The following ADCY8 variants were observed in gnomAD, a reference collection of about 807,000 sequenced individuals.
ADCY8 encodes adenylate cyclase 8, also known as adenylate cyclase type 8.
In ADCY8, 51 loss-of-function variants were observed where a neutral mutation model predicts 119.7. That is an observed-to-expected ratio of 0.43 (90% CI 0.34 to 0.54). ADCY8 has a LOEUF of 0.54. ADCY8 is among the 20% of genes least tolerant of loss of function. The pLI is 0.03. For synonymous variants in ADCY8, 665 were observed against 651.0 expected (o/e 1.02, Z -0.33); for missense variants, 1,383 against 1,598.8 (o/e 0.87, Z 2.30).
intron 6 of ADCY8, among the ~76,000 whole-genome samples, chr8:130,908,217 C>T (rs1819854355): frequency 2.0e-5 from 3 of 152,156 alleles, no homozygotes; most frequent in African/African-American, 7.2e-5. Context: ...CCCAAAGCAT[C>T]CTCTAAGGTT....
At chr8:130,963,113 CTTTTTTTT>C (rs764620332) in intron 2 of ADCY8, among the ~76,000 whole-genome samples, 1 of 130,366 alleles carries the variant, frequency 7.7e-6, no homozygotes, top group African/African-American at 2.8e-5. Context: ...GTTTTTCTTT[CTTTTTTTT>C]TTTTTTTTTC....
intron 5 of ADCY8, among the ~76,000 whole-genome samples, chr8:130,921,135 C>T (rs1820288705): frequency 6.6e-6 from 1 of 152,118 alleles, no homozygotes; most frequent in African/African-American, 2.4e-5. Context: ...ATTAGTTATA[C>T]ATGATTATTC....
chr8:131,034,251 C>T (rs1026178165), intron 1 of ADCY8, among the ~76,000 whole-genome samples: 1 of 152,026 alleles, frequency 6.6e-6, no homozygotes, highest in Non-Finnish European at 1.5e-5. Context: ...TAGACTTAGA[C>T]AAAGAACATA....
chr8:131,003,216 A>T (rs960725672), intron 1 of ADCY8, among the ~76,000 whole-genome samples: 1 of 151,778 alleles, frequency 6.6e-6, no homozygotes, highest in South Asian at 2.1e-4. Flanking sequence ...TCACACACAC[A>T]CACACACACA....
At chr8:131,027,824 T>C (rs563966394) in intron 1 of ADCY8, among the ~76,000 whole-genome samples, 1 of 152,228 alleles carries the variant, frequency 6.6e-6, no homozygotes, top group Non-Finnish European at 1.5e-5. Flanking sequence ...TGTGAAGTCA[T>C]ATAGGACGGA....
rs1402817913 is a variant in ADCY8 at position 130,849,774 on chromosome 8, A to G, written c.2240T>C (p.Ile747Thr). The stretch of plus-strand genomic sequence containing the variant: ...CAGAGCCGAGTGCAGCATAATCAGA[A>G]TGGAGAACTGGATGGTCATTGGCAT... ...RVMPMTIQFS[I>T]LIMLHSALVL... is the part of the protein sequence containing the mutation. Residue 747 changes from isoleucine (I) to threonine (T), a missense_variant, in exon 10 of 18, where the codon ATT (isoleucine) becomes ACT (threonine). By Grantham distance (89) the Ile-to-Thr change is moderately conservative (BLOSUM62 -1). Transcript: ENST00000286355. The G allele has an allele frequency of 6.2e-7, 1 of 1,613,518 alleles. No homozygotes were observed. Among genetic ancestry groups the G allele is most frequent in the South Asian group, 1.1e-5 (1 of 90,990 alleles).
At chr8:130,896,257 G>T (rs74540670) in intron 7 of ADCY8, among the ~76,000 whole-genome samples, 4,168 of 152,056 alleles carry the variant, frequency 0.027, 199 homozygotes, top group African/African-American at 0.092. Context: ...CCCCACCTTC[G>T]TCTCTATCCC....
chr8:130,815,768 A>G (rs184301454), intron 13 of ADCY8, among the ~76,000 whole-genome samples: 67 of 152,346 alleles, frequency 4.4e-4, no homozygotes, highest in Non-Finnish European at 2.6e-4. Context: ...AACCCTGGAC[A>G]AGTTACTTCA....
chr8:130,976,393 C>G (rs1218575747), intron 2 of ADCY8, among the ~76,000 whole-genome samples: 1 of 152,168 alleles, frequency 6.6e-6, no homozygotes, highest in Admixed American at 6.5e-5. Context: ...CCTTGGATAA[C>G]TACCTAACCC....
intron 8 of ADCY8, among the ~76,000 whole-genome samples, chr8:130,871,906 T>C (rs1283638947): frequency 6.6e-6 from 1 of 152,078 alleles, no homozygotes; most frequent in Non-Finnish European, 1.5e-5. Context: ...ACCCTTGTAA[T>C]TTACTGAGCC....
At chr8:131,028,829 C>T (rs925117245) in intron 1 of ADCY8, among the ~76,000 whole-genome samples, 15 of 152,182 alleles carry the variant, frequency 9.9e-5, no homozygotes, top group African/African-American at 3.1e-4. Context: ...ACCAGCCCCT[C>T]GGGTATGGAG....
chr8:130,940,033 C>A (rs7460412), intron 4 of ADCY8, among the ~76,000 whole-genome samples: 106,828 of 152,034 alleles, frequency 0.7, 38,278 homozygotes, highest in African/African-American at 0.85. Context: ...AGCACTTTGG[C>A]AAAAATCTAA....
At chr8:131,004,098 G>A (rs1239239428) in intron 1 of ADCY8, among the ~76,000 whole-genome samples, 1 of 152,132 alleles carries the variant, frequency 6.6e-6, no homozygotes, top group Non-Finnish European at 1.5e-5. Flanking sequence ...AAAGGGTGGG[G>A]GAAGATTTGC....
At chr8:130,883,965 G>A (rs1399642390) in intron 8 of ADCY8, among the ~76,000 whole-genome samples, 5 of 152,124 alleles carry the variant, frequency 3.3e-5, no homozygotes, top group South Asian at 2.1e-4. Context: ...GGGAACTCAC[G>A]CTCAGAGAGG....
At chr8:130,865,142 A>G (rs1818071309) in intron 9 of ADCY8, among the ~76,000 whole-genome samples, 1 of 152,122 alleles carries the variant, frequency 6.6e-6, no homozygotes, top group South Asian at 2.1e-4. Flanking sequence ...TTCAGCTGTT[A>G]GTATCCGTGG....
chr8:130,797,923 A>T (rs1317927560), intron 15 of ADCY8, among the ~76,000 whole-genome samples: 3 of 152,190 alleles, frequency 2.0e-5, no homozygotes, highest in Non-Finnish European at 4.4e-5. Flanking sequence ...GTGCAACACA[A>T]ATGATTACAA....
At position 131,040,664 on chromosome 8, in the gene ADCY8, C is replaced by T. The variant is rs1332662736; in HGVS notation, c.-331G>A. On this transcript the variant is annotated 5_prime_UTR_variant, in exon 1 of 18. Coordinates refer to ENST00000286355, the MANE Select transcript of ADCY8 (RefSeq NM_001115.3). ...CACGCAGCCCCTTCCTGGGCTCAGG[C>T]TCCTTGGTTGATTCTAGGCTCAGCG... 1.3e-5 allele frequency: 3 copies of T among 229,874 alleles called. No homozygotes were observed. The highest frequency in any genetic ancestry group is 2.5e-5 in the Non-Finnish European group (3 of 119,696). 14.2% of individuals were successfully genotyped at this position (229,874 alleles called of 1,614,324 possible). A position where few individuals can be genotyped will look rare whatever the true frequency, so the allele number is the denominator to read the frequency against.
At chr8:130,784,906 G>T (rs996983477) in intron 16 of ADCY8, among the ~76,000 whole-genome samples, 1 of 152,092 alleles carries the variant, frequency 6.6e-6, no homozygotes, top group Non-Finnish European at 1.5e-5. Context: ...TGCTTGGGGA[G>T]CATGACATTA....
intron 6 of ADCY8, among the ~76,000 whole-genome samples, chr8:130,907,146 T>C (rs1819815073): frequency 6.6e-6 from 1 of 152,112 alleles, no homozygotes; most frequent in Non-Finnish European, 1.5e-5. Context: ...AAAATGGTGA[T>C]CTTCATGGTG....
Sources: gnomAD v4.1 joint callset for allele counts (sites outside exome capture counted in the v4.1 genomes callset) on GRCh38, gnomAD v4.1.1 for gene constraint, MANE v1.5 for transcripts, NCBI Gene and HGNC (gene_info 2026-07-23, HGNC 2026-07-21) for gene names.